The following SNX29 variants were observed in gnomAD, a reference collection of about 807,000 sequenced individuals.
SNX29 encodes the protein sorting nexin 29.
Under a neutral mutation model 102.1 loss-of-function variants are expected in SNX29, and 78 were observed. That is an observed-to-expected ratio of 0.76 (90% CI 0.64 to 0.92). The LOEUF (loss-of-function observed/expected upper bound fraction) is 0.92, where lower values mean the gene tolerates loss of function less well. SNX29 is among the 40% of genes least tolerant of loss of function. The pLI, the probability that SNX29 is intolerant of heterozygous loss-of-function variation, is 0.00. For synonymous variants in SNX29, 580 were observed against 414.5 expected (o/e 1.40, Z -4.85); for missense variants, 1,280 against 1,061.7 (o/e 1.21, Z -2.86).
chr16:12,293,168 C>T (rs2079857530), intron 15 of SNX29, among the ~76,000 whole-genome samples: 1 of 152,294 alleles, frequency 6.6e-6, no homozygotes, highest in South Asian at 2.1e-4. Context: ...TCTTGAACTC[C>T]TGGCCTCAAG....
chr16:12,181,927 A>G (rs2076395219), intron 13 of SNX29, among the ~76,000 whole-genome samples: 1 of 149,798 alleles, frequency 6.7e-6, no homozygotes, highest in South Asian at 2.1e-4. Flanking sequence ...TCTGTCACGC[A>G]GGCTGAAGTG....
chr16:12,185,332 T>C (rs1391865108), intron 13 of SNX29, among the ~76,000 whole-genome samples: 1 of 152,210 alleles, frequency 6.6e-6, no homozygotes, highest in Non-Finnish European at 1.5e-5. Flanking sequence ...CTGGTTGCTC[T>C]GAGGGTGCCC....
At chr16:12,296,868 G>C (rs927810471) in intron 15 of SNX29, among the ~76,000 whole-genome samples, 2 of 152,222 alleles carry the variant, frequency 1.3e-5, no homozygotes, top group African/African-American at 4.8e-5. Context: ...CTCTATGCCA[G>C]GGTTCTCAAC....
chr16:12,128,878 A>G (rs2054335292), intron 12 of SNX29, among the ~76,000 whole-genome samples: 1 of 152,204 alleles, frequency 6.6e-6, no homozygotes, highest in African/African-American at 2.4e-5. Context: ...TAGCAGCACC[A>G]TGGTTGGCTC....
At chr16:11,994,020 C>G (rs2055959464) in intron 1 of SNX29, among the ~76,000 whole-genome samples, 1 of 152,120 alleles carries the variant, frequency 6.6e-6, no homozygotes, top group African/African-American at 2.4e-5. Context: ...ACTTGGGAGG[C>G]TGAGGCAGGA....
At chr16:12,012,097 A>G (rs1050805830) in intron 3 of SNX29, among the ~76,000 whole-genome samples, 1 of 152,124 alleles carries the variant, frequency 6.6e-6, no homozygotes, top group Non-Finnish European at 1.5e-5. Context: ...ATTGGATGAG[A>G]TGGTTGCTGT....
Position 12,572,318 on chromosome 16 carries a change from AG to A in SNX29, c.*3691del. On this transcript the variant is annotated 3_prime_UTR_variant, in exon 21 of 21. Coordinates refer to ENST00000566228, the MANE Select transcript of SNX29 (RefSeq NM_032167.5). ...AGTGATCACAATCCAGGTTGGAAAC[AG>A]GAGTGAAGCCCACCAGCCTGCCTGG... is the stretch of plus-strand genomic sequence containing the variant. 9.4e-7 allele frequency: 1 copy of A among 1,062,818 alleles called. No individual in the cohort carries two copies. The highest frequency in any genetic ancestry group is 1.1e-6 in the Non-Finnish European group (1 of 877,642). The allele number at this position is 1,062,818 out of a possible 1,614,324, so 65.8% of individuals were successfully genotyped here.
chr16:12,517,347 G>A (rs564139665), intron 19 of SNX29, among the ~76,000 whole-genome samples: 1 of 152,294 alleles, frequency 6.6e-6, no homozygotes, highest in South Asian at 2.1e-4. Flanking sequence ...TGGATGCCCT[G>A]TCTCCTCCTG....
intron 15 of SNX29, among the ~76,000 whole-genome samples, chr16:12,339,795 T>C (rs1468571292): frequency 2.6e-5 from 4 of 152,350 alleles, no homozygotes; most frequent in East Asian, 1.9e-4. Flanking sequence ...TTGACTCTTA[T>C]TGGCCTGACT....
chr16:12,390,638 C>A (rs2083497014), intron 16 of SNX29, among the ~76,000 whole-genome samples: 1 of 152,114 alleles, frequency 6.6e-6, no homozygotes. Context: ...GCTGCCAAAC[C>A]CCAAAACCAC....
chr16:12,370,592 C>T (rs956719018), intron 16 of SNX29, among the ~76,000 whole-genome samples: 5 of 152,134 alleles, frequency 3.3e-5, no homozygotes, highest in African/African-American at 1.2e-4. Context: ...TCTCTGCTTC[C>T]TTGTCTCTTG....
At chr16:12,165,606 A>G (rs1302394679) in intron 13 of SNX29, among the ~76,000 whole-genome samples, 1 of 152,166 alleles carries the variant, frequency 6.6e-6, no homozygotes, top group Non-Finnish European at 1.5e-5. Flanking sequence ...TGTCACCCAG[A>G]CTGGAGTGCA....
chr16:12,333,079 C>G (rs1023290308), intron 15 of SNX29, among the ~76,000 whole-genome samples: 1 of 149,406 alleles, frequency 6.7e-6, no homozygotes, highest in Admixed American at 6.7e-5. Flanking sequence ...TTTGTTCATT[C>G]ACAAATGTTT....
At chr16:12,038,300 T>C (rs1350917410) in intron 4 of SNX29, among the ~76,000 whole-genome samples, 1 of 152,194 alleles carries the variant, frequency 6.6e-6, no homozygotes, top group Non-Finnish European at 1.5e-5. Flanking sequence ...TTGTCTTCCT[T>C]GTGGTCCCCA....
In SNX29 at chr16:12,323,621, T is replaced by C. The variant is rs572043837; in HGVS notation, c.1783-32542T>C. On this transcript the variant is annotated intron_variant, in intron 15 of 20. Coordinates refer to ENST00000566228, the MANE Select transcript of SNX29 (RefSeq NM_032167.5). Reference sequence around the variant, plus strand: ...AGAAAGGGAAAAGCTTTGTCTGGCATCCAGCATTGTTCACTGTCGTATCCA... The same window carrying C: ...AGAAAGGGAAAAGCTTTGTCTGGCACCCAGCATTGTTCACTGTCGTATCCA... 3.3e-5 allele frequency among the ~76,000 whole-genome samples: 5 copies of C among 152,148 alleles called. No homozygotes were observed. The South Asian group carries it at 1.0e-3, about 32-fold the overall frequency.
chr16:12,027,708 G>T, intron 4 of SNX29: 1 of 281,618 alleles, frequency 3.6e-6, no homozygotes. Context: ...GTAGCACACT[G>T]GTTTATTTCA....
chr16:12,007,386 T>C (rs1465858915), intron 3 of SNX29, among the ~76,000 whole-genome samples: 4 of 151,970 alleles, frequency 2.6e-5, no homozygotes, highest in African/African-American at 4.8e-5. Context: ...CCACCTGTAA[T>C]CCCAGCTACT....
intron 13 of SNX29, among the ~76,000 whole-genome samples, chr16:12,182,418 A>C (rs1014792415): frequency 6.6e-6 from 1 of 152,130 alleles, no homozygotes; most frequent in African/African-American, 2.4e-5. Context: ...GGTGGATTAG[A>C]GCTCATTTTG....
chr16:12,167,560 A>G (rs1033107799), intron 13 of SNX29, among the ~76,000 whole-genome samples: 1 of 152,172 alleles, frequency 6.6e-6, no homozygotes, highest in Non-Finnish European at 1.5e-5. Context: ...GCAATCATTG[A>G]TTCCATTATC....
Sources: gnomAD v4.1 joint callset for allele counts (sites outside exome capture counted in the v4.1 genomes callset) on GRCh38, gnomAD v4.1.1 for gene constraint, MANE v1.5 for transcripts, NCBI Gene and HGNC (gene_info 2026-07-23, HGNC 2026-07-21) for gene names.